Variants in TUNAR observed in about 807,000 individuals in gnomAD.
TUNAR encodes protein TUNAR.
At chr14:95,914,464 A>G (rs778308801) in intron 2 of TUNAR, among the ~76,000 whole-genome samples, 3 of 152,214 alleles carry the variant, frequency 2.0e-5, no homozygotes, top group Non-Finnish European at 4.4e-5. Context: ...TGCCACATCC[A>G]GGAGGGAGAG....
intron 2 of TUNAR, among the ~76,000 whole-genome samples, chr14:95,905,999 T>C (rs897010556): frequency 7.9e-5 from 12 of 152,236 alleles, no homozygotes; most frequent in African/African-American, 1.2e-4. Context: ...CCATTAGAAG[T>C]TCCTTCAGGT....
intron 2 of TUNAR, among the ~76,000 whole-genome samples, chr14:95,915,914 A>G (rs1889597757): frequency 6.6e-6 from 1 of 152,206 alleles, no homozygotes; most frequent in Admixed American, 6.5e-5. Flanking sequence ...TCTTTCCAGA[A>G]AAGTGGCTCC....
chr14:95,922,896 T>G (rs887223192), exon 3 of TUNAR: 1 of 398,910 alleles, frequency 2.5e-6, no homozygotes, highest in African/African-American at 2.1e-5. Flanking sequence ...GTCTTGGCAA[T>G]GCTGGGGATT....
chr14:95,924,073 T>C (rs767289552), exon 3 of TUNAR: 4 of 152,268 alleles, frequency 2.6e-5, no homozygotes, highest in Non-Finnish European at 4.4e-5. Flanking sequence ...ATTTTGATTT[T>C]AGCGGTCATG....
At chr14:95,877,374 G>A (rs1888906396) in intron 2 of TUNAR, among the ~76,000 whole-genome samples, 197 bp downstream of exon 1, 1 of 152,230 alleles carries the variant, frequency 6.6e-6, no homozygotes, top group African/African-American at 2.4e-5. Flanking sequence ...GCTTTCTTCT[G>A]CCTTCTGGAG....
At chr14:95,912,020 G>A (rs554158001) in intron 2 of TUNAR, among the ~76,000 whole-genome samples, 2 of 152,294 alleles carry the variant, frequency 1.3e-5, no homozygotes, top group Admixed American at 6.5e-5. Context: ...CTGACATGAA[G>A]ATTTCTCCTT....
At chr14:95,904,517 TA>T (rs1889401529) in intron 2 of TUNAR, among the ~76,000 whole-genome samples, 1 of 151,996 alleles carries the variant, frequency 6.6e-6, no homozygotes, top group African/African-American at 2.4e-5. Flanking sequence ...GAGGGATAGG[TA>T]TGAAAGTCAA....
At chr14:95,925,210 A>G (rs962501105) in exon 3 of TUNAR, 1 of 152,268 alleles carries the variant, frequency 6.6e-6, no homozygotes, top group African/African-American at 2.4e-5. Flanking sequence ...CAGAGAGGTC[A>G]AGAAATGTCC....
At chr14:95,910,922 C>T (rs1889502720) in intron 2 of TUNAR, among the ~76,000 whole-genome samples, 2 of 152,218 alleles carry the variant, frequency 1.3e-5, no homozygotes, top group South Asian at 4.1e-4. Context: ...GACATTTAGT[C>T]CTGGAGAGCC....
chr14:95,921,815 T>G (rs1889702017), intron 2 of TUNAR, among the ~76,000 whole-genome samples: 1 of 152,232 alleles, frequency 6.6e-6, no homozygotes, highest in Non-Finnish European at 1.5e-5. Flanking sequence ...GTTTCGAGCC[T>G]TTATAAATCA....
At chr14:95,879,725 G>C (rs1033983505) in intron 2 of TUNAR, among the ~76,000 whole-genome samples, 4 of 146,780 alleles carry the variant, frequency 2.7e-5, no homozygotes, top group Non-Finnish European at 4.5e-5. Flanking sequence ...TTTTCTGTAA[G>C]ATCTCTAAGC....
At chr14:95,918,082 G>A (rs1233380474) in intron 2 of TUNAR, among the ~76,000 whole-genome samples, 2 of 152,140 alleles carry the variant, frequency 1.3e-5, no homozygotes, top group Non-Finnish European at 2.9e-5. Context: ...GCCTTTGCTT[G>A]TTGTTTATTT....
intron 2 of TUNAR, among the ~76,000 whole-genome samples, chr14:95,891,289 C>T (rs927869023): frequency 1.3e-5 from 2 of 152,176 alleles, no homozygotes; most frequent in Non-Finnish European, 1.5e-5. Context: ...CACCCACCTC[C>T]GAGTCTGAAG....
intron 2 of TUNAR, among the ~76,000 whole-genome samples, chr14:95,903,252 G>A (rs73338748): frequency 0.086 from 13,025 of 152,146 alleles, 1,843 homozygotes; most frequent in African/African-American, 0.3. Context: ...CCTCTCTTCT[G>A]TTGTTGCAAG....
At chr14:95,921,252 G>T (rs545621678) in intron 2 of TUNAR, among the ~76,000 whole-genome samples, 1 of 152,168 alleles carries the variant, frequency 6.6e-6, no homozygotes, top group Non-Finnish European at 1.5e-5. Flanking sequence ...CTATCTGGGC[G>T]TGCATGACCC....
exon 3 of TUNAR, chr14:95,923,179 C>T (rs1362624233): frequency 2.4e-5 from 9 of 378,382 alleles, no homozygotes; most frequent in Non-Finnish European, 3.7e-5. Flanking sequence ...CAACAAAACT[C>T]ATTCACAGCA....
chr14:95,912,540 G>C (rs1025902516), intron 2 of TUNAR, among the ~76,000 whole-genome samples: 2 of 152,138 alleles, frequency 1.3e-5, no homozygotes, highest in African/African-American at 4.8e-5. Context: ...GGTTAAAAAA[G>C]ATAGATGAAG....
intron 2 of TUNAR, among the ~76,000 whole-genome samples, chr14:95,880,309 G>A (rs1246621690): frequency 6.6e-6 from 1 of 152,168 alleles, no homozygotes; most frequent in African/African-American, 2.4e-5. Flanking sequence ...AGAAATTGGT[G>A]ATTATAGAAA....
chr14:95,922,950 T>C (rs1191094026), exon 3 of TUNAR: 3 of 398,950 alleles, frequency 7.5e-6, no homozygotes, highest in Non-Finnish European at 1.3e-5. Context: ...TTTGTCTACA[T>C]ATACACCACC....
Sources: gnomAD v4.1 joint callset for allele counts (sites outside exome capture counted in the v4.1 genomes callset) on GRCh38, gnomAD v4.1.1 for gene constraint, MANE v1.5 for transcripts, NCBI Gene and HGNC (gene_info 2026-07-23, HGNC 2026-07-21) for gene names.